PRKN: variants seen among roughly 807,000 people sequenced by gnomAD.
PRKN encodes the protein E3 ubiquitin-protein ligase parkin.
PRKN carries 56 observed loss-of-function variants against 59.5 expected under a neutral mutation model. That is an observed-to-expected ratio of 0.94 (90% CI 0.76 to 1.18). The LOEUF (loss-of-function observed/expected upper bound fraction) is 1.18, where lower values mean the gene tolerates loss of function less well. Among genes scored for constraint, PRKN ranks in the 50% most tolerant of loss-of-function variants. The probability of loss-of-function intolerance (pLI) is 0.00; values close to 1 mark genes in which losing one functional copy is unlikely to be tolerated. For synonymous variants in PRKN, 250 were observed against 222.1 expected (o/e 1.13, Z -1.12); for missense variants, 657 against 596.4 (o/e 1.10, Z -1.06).
chr6:161,382,597 A>G (rs927511685), intron 10 of PRKN, among the ~76,000 whole-genome samples: 1 of 152,192 alleles, frequency 6.6e-6, no homozygotes, highest in African/African-American at 2.4e-5. Flanking sequence ...CAATACGCGG[A>G]AGGAACTGGA....
chr6:161,555,813 T>A (rs899755463), intron 8 of PRKN, among the ~76,000 whole-genome samples: 1 of 152,192 alleles, frequency 6.6e-6, no homozygotes, highest in Admixed American at 6.5e-5. Context: ...CAGTAAATAA[T>A]TATAAATTAA....
chr6:161,922,073 A>G (rs1778804973), intron 6 of PRKN, among the ~76,000 whole-genome samples: 1 of 152,240 alleles, frequency 6.6e-6, no homozygotes, highest in African/African-American at 2.4e-5. Flanking sequence ...TAAAAAGCCC[A>G]GAAAATTAAG....
chr6:161,783,740 A>G (rs878990338), intron 7 of PRKN: 1 of 471,312 alleles, frequency 2.1e-6, no homozygotes, highest in Non-Finnish European at 4.1e-6. Context: ...TCTGTAAATA[A>G]TAAACTTCAC....
At chr6:162,132,638 A>G (rs1781410774) in intron 4 of PRKN, among the ~76,000 whole-genome samples, 1 of 152,168 alleles carries the variant, frequency 6.6e-6, no homozygotes, top group South Asian at 2.1e-4. Context: ...AATTATTCCA[A>G]TAAGAGGTGG....
intron 1 of PRKN, among the ~76,000 whole-genome samples, chr6:162,527,218 A>C (rs904123483): frequency 6.6e-6 from 1 of 152,158 alleles, no homozygotes; most frequent in Non-Finnish European, 1.5e-5. Flanking sequence ...TCTGATCTGA[A>C]ACCGGGATAA....
Position 161,845,654 on chromosome 6 carries a change from G to A in PRKN, c.735-59746C>T, listed in dbSNP as rs192804345. Among the ~76,000 whole-genome samples, 367 of 152,258 alleles carry A rather than the reference G, an allele frequency of 2.4e-3. 2 individuals are homozygous for A. Among genetic ancestry groups the A allele is most frequent in the African/African-American group, 8.1e-3 (336 of 41,532 alleles). ...GGATTAAAGTGGTAGCTTAGTTTCC[G>A]TAAAGACATTAAAGATATATACATC... is the stretch of plus-strand genomic sequence containing the variant. On this transcript the variant is annotated intron_variant, in intron 6 of 11. Transcript: ENST00000366898.
chr6:162,400,868 T>C (rs969891313), intron 2 of PRKN, among the ~76,000 whole-genome samples: 9 of 152,200 alleles, frequency 5.9e-5, no homozygotes, highest in African/African-American at 2.2e-4. Context: ...ATATACATCA[T>C]ACTCTGAGTA....
intron 9 of PRKN, among the ~76,000 whole-genome samples, chr6:161,469,237 G>A (rs1426786297): frequency 1.3e-5 from 2 of 151,920 alleles, no homozygotes; most frequent in African/African-American, 2.4e-5. Flanking sequence ...TAGTGAGTGA[G>A]TTCTCAGAAG....
chr6:162,628,862 T>A (rs1332147448), intron 1 of PRKN, among the ~76,000 whole-genome samples: 1 of 152,162 alleles, frequency 6.6e-6, no homozygotes, highest in African/African-American at 2.4e-5. Context: ...CCTACATTAA[T>A]CCTCACTAGA....
intron 7 of PRKN, among the ~76,000 whole-genome samples, chr6:161,594,513 C>T (rs943001851): frequency 7.9e-5 from 12 of 152,144 alleles, no homozygotes; most frequent in Admixed American, 6.5e-4. Flanking sequence ...TCAAGACACC[C>T]GTAGGACACA....
chr6:162,425,667 G>A (rs927632861), intron 2 of PRKN, among the ~76,000 whole-genome samples: 1 of 152,120 alleles, frequency 6.6e-6, no homozygotes, highest in African/African-American at 2.4e-5. Context: ...CAAAAGAAAG[G>A]TATGATTAAA....
chr6:162,469,347 T>TGGG (rs1562787718), intron 1 of PRKN, among the ~76,000 whole-genome samples: 3 of 8,100 alleles, frequency 3.7e-4, no homozygotes, highest in Admixed American at 1.3e-3. Flanking sequence ...GTGGGGGGGT[T>TGGG]GCAGGGGGGG....
In PRKN at chr6:161,560,545, G is replaced by A. The variant is rs7769196; in HGVS notation, c.933+8810C>T. 0.34 allele frequency among the ~76,000 whole-genome samples: 51,339 copies of A among 151,784 alleles called. 9,393 individuals are homozygous for A. The highest frequency in any genetic ancestry group is 0.57 in the East Asian group (2,895 of 5,120). Reference sequence around the variant, plus strand: ...TCTCCGATTCTTGTCATCATTCTGGGGACTTGAACTCCTGTATGAATAAGC... The same window carrying A: ...TCTCCGATTCTTGTCATCATTCTGGAGACTTGAACTCCTGTATGAATAAGC... On this transcript the variant is annotated intron_variant, in intron 8 of 11. Transcript: ENST00000366898. The surrounding 1 kb of genome is among the most constrained non-coding windows in gnomAD (Gnocchi z 4.9).
At chr6:161,722,165 C>T (rs918159562) in intron 7 of PRKN, among the ~76,000 whole-genome samples, 11 of 152,030 alleles carry the variant, frequency 7.2e-5, no homozygotes, top group African/African-American at 2.7e-4. Context: ...CAAACCACAA[C>T]CAAACCAAAA....
Position 162,563,324 on chromosome 6 carries a change from A to C in PRKN, c.8-119851T>G, listed in dbSNP as rs549135570. Among the ~76,000 whole-genome samples the C allele has an allele frequency of 5.2e-3, 794 of 151,972 alleles. 2 individuals carry two copies. The highest frequency in any genetic ancestry group is 0.017 in the African/African-American group (724 of 41,458). On this transcript the variant is annotated intron_variant, in intron 1 of 11. Transcript: ENST00000366898. ...ATCTTAAAAAACAAAAAACAAAAAA[A>C]AAAAAACAAAAAAAGAGAAAGCAAG... is the stretch of plus-strand genomic sequence containing the variant.
At chr6:162,349,757 A>C (rs1182409538) in intron 2 of PRKN, among the ~76,000 whole-genome samples, 3 of 152,186 alleles carry the variant, frequency 2.0e-5, no homozygotes, top group Non-Finnish European at 4.4e-5. Context: ...TGACGGTAAA[A>C]GACTGAAGGC....
Position 162,193,360 on chromosome 6 carries a change from C to T in PRKN, c.534+7771G>A, listed in dbSNP as rs563466188. Reference sequence around the variant, plus strand: ...CCATTTTACTTATTTCAGATCAATGCTGGGTTTCTCCCTCTTCGCCAAAGC... The same window carrying T: ...CCATTTTACTTATTTCAGATCAATGTTGGGTTTCTCCCTCTTCGCCAAAGC... On this transcript the variant is annotated intron_variant, in intron 4 of 11. Transcript: ENST00000366898. Among the ~76,000 whole-genome samples the T allele has an allele frequency of 8.5e-5, 13 of 152,308 alleles. 1 individual carries two copies. The highest frequency in any genetic ancestry group is 8.5e-4 in the Admixed American group (13 of 15,302).
At chr6:161,950,163 A>G (rs545609704) in intron 6 of PRKN, among the ~76,000 whole-genome samples, 11 of 152,214 alleles carry the variant, frequency 7.2e-5, no homozygotes, top group South Asian at 4.1e-4. Flanking sequence ...TTTACAAAAT[A>G]TTAGTGGAAT....
chr6:162,310,687 A>G (rs952639251), intron 2 of PRKN, among the ~76,000 whole-genome samples: 2 of 152,048 alleles, frequency 1.3e-5, no homozygotes, highest in Non-Finnish European at 2.9e-5. Context: ...TGGCACATGT[A>G]TACATATGTA....
Sources: allele counts gnomAD v4.1 joint callset (sites outside exome capture counted in the v4.1 genomes callset), GRCh38; gene constraint gnomAD v4.1.1; non-coding constraint Gnocchi (gnomAD v3.1); transcripts MANE v1.5; gene names NCBI Gene and HGNC (gene_info 2026-07-23, HGNC 2026-07-21).